Variants in BTBD7 observed in about 807,000 individuals in gnomAD.
The protein encoded by BTBD7 is BTB/POZ domain-containing protein 7.
In BTBD7, 38 loss-of-function variants were observed where a neutral mutation model predicts 99.9. The observed-to-expected ratio is 0.38, with a 90% confidence interval of 0.29 to 0.50. BTBD7 has a LOEUF of 0.50. BTBD7 is among the 20% of genes least tolerant of loss of function. The pLI, the probability that BTBD7 is intolerant of heterozygous loss-of-function variation, is 0.93. For missense variants in BTBD7, 1,170 were observed against 1,394.6 expected (o/e 0.84, Z 2.57); for synonymous variants, 520 against 511.4 (o/e 1.02, Z -0.23).
At chr14:93,315,764 AAT>A (rs2053195255) in intron 1 of BTBD7, among the ~76,000 whole-genome samples, 1 of 152,172 alleles carries the variant, frequency 6.6e-6, no homozygotes, top group African/African-American at 2.4e-5. Context: ...TTTGCTGTAT[AAT>A]ATTTCATTGT....
chr14:93,317,198 C>A (rs1236797451), intron 1 of BTBD7, among the ~76,000 whole-genome samples: 2 of 151,978 alleles, frequency 1.3e-5, no homozygotes, highest in East Asian at 3.9e-4. Context: ...AGAGATGGGG[C>A]TTCACTATGT....
In BTBD7 at chr14:93,253,796, A is replaced by T. The variant is rs2052397306; in HGVS notation, c.1609-6T>A. On this transcript the variant is annotated splice_polypyrimidine_tract_variant and splice_region_variant and intron_variant, in intron 6 of 10. Coordinates refer to ENST00000334746, the MANE Select transcript of BTBD7 (RefSeq NM_001002860.4). ...CTAATCAAGCCTCTTTTCATCTAAA[A>T]AAAAATTTTTTTTTTAGATAGAAAT... 1.9e-6 allele frequency: 3 copies of T among 1,557,780 alleles called. No individual in the cohort carries two copies. The African/African-American group carries it at 4.1e-5, about 21-fold the overall frequency.
chr14:93,240,623 C>T lies in BTBD7; in HGVS notation c.*1650G>A, dbSNP rs1393374634. On this transcript the variant is annotated 3_prime_UTR_variant, in exon 11 of 11. Transcript: ENST00000334746. ...GAATGCTTAGAAAGCCTCTTTTCTTCTAAGTGCTACGGCTGTGTGTTTATG... is the reference window on the plus strand; with the variant it reads ...GAATGCTTAGAAAGCCTCTTTTCTTTTAAGTGCTACGGCTGTGTGTTTATG... 6.6e-6 allele frequency: 1 copy of T among 152,582 alleles called. No individual in the cohort carries two copies. The highest frequency in any genetic ancestry group is 2.4e-5 in the African/African-American group (1 of 41,440). The allele number at this position is 152,582 out of a possible 1,614,324, so 9.5% of individuals were successfully genotyped here.
At position 93,237,967 on chromosome 14, in the gene BTBD7, T is replaced by C. The variant is rs1327372855; in HGVS notation, c.*4306A>G. The stretch of plus-strand genomic sequence containing the variant: ...ATTTTCCACCTCTCTGAAGTACAGA[T>C]GTGGTGCATACACAGCAAGGAGAGT... On this transcript the variant is annotated 3_prime_UTR_variant, in exon 11 of 11. Transcript: ENST00000334746. The C allele has an allele frequency of 6.6e-6, 1 of 152,490 alleles. No homozygotes were observed. The highest frequency in any genetic ancestry group is 1.5e-5 in the Non-Finnish European group (1 of 68,042). The allele number at this position is 152,490 out of a possible 1,614,324, so 9.4% of individuals were successfully genotyped here. A position where few individuals can be genotyped will look rare whatever the true frequency, so the allele number is the denominator to read the frequency against.
intron 3 of BTBD7, among the ~76,000 whole-genome samples, chr14:93,269,099 A>C (rs1260654303): frequency 6.6e-6 from 1 of 152,116 alleles, no homozygotes; most frequent in African/African-American, 2.4e-5. Flanking sequence ...ATTAGAACTT[A>C]TTTAGAACTA....
intron 4 of BTBD7, 55 bp downstream of exon 4, chr14:93,263,730 G>T: frequency 6.7e-7 from 1 of 1,498,488 alleles, no homozygotes; most frequent in South Asian, 1.1e-5. Context: ...GAGCATAGAT[G>T]GGTTTCTTGG....
rs1566831859 is a variant in BTBD7, at chr14:93,242,879, T to A, written c.2793A>T (p.Gln931His). Reference protein sequence around the residue: ...HTSRKKHTLEQKTDTRENPQE... With the variant: ...HTSRKKHTLEHKTDTRENPQE... ...GTGGATTTTCTCTGGTGTCTGTTTT[T>A]TGCTCTAGTGTGTGTTTTTTCCGAG... Residue 931 changes from glutamine to histidine, a missense_variant, in exon 11 of 11, where the codon CAA (glutamine) becomes CAT (histidine). Coordinates refer to ENST00000334746, the MANE Select transcript of BTBD7 (RefSeq NM_001002860.4). The A allele has an allele frequency of 6.2e-7, 1 of 1,614,166 alleles. No homozygotes were observed. Among genetic ancestry groups the A allele is most frequent in the Admixed American group, 1.7e-5 (1 of 60,036 alleles).
rs1566857021 is a variant in BTBD7 at position 93,300,741 on chromosome 14, TG to T, written c.-106-4585del. On this transcript the variant is annotated intron_variant, in intron 1 of 10. Transcript: ENST00000334746. ...GTGTGTGTGTGTGTGTGTGTGTGTG[TG>T]TGTGTGTGTGTGTGTGTGTGTGTGT... 1.8e-3 allele frequency among the ~76,000 whole-genome samples: 168 copies of T among 91,200 alleles called. 7 individuals are homozygous for T. The East Asian group carries it at 0.031, about 17-fold the overall frequency. The allele number at this position is 91,200 out of a possible 152,430, so 59.8% of individuals were successfully genotyped here. A position where few individuals can be genotyped will look rare whatever the true frequency, so the allele number is the denominator to read the frequency against.
chr14:93,307,852 G>C (rs945090537), intron 1 of BTBD7, among the ~76,000 whole-genome samples: 4 of 152,164 alleles, frequency 2.6e-5, no homozygotes, highest in Non-Finnish European at 5.9e-5. Context: ...GAGGCATTAA[G>C]TTGAAAACTG....
rs76708472 is a variant in BTBD7 at position 93,249,754 on chromosome 14, G to A, written c.1943-1100C>T. Among the ~76,000 whole-genome samples the A allele has an allele frequency of 4.6e-3, 705 of 151,732 alleles. 7 individuals carry two copies. The highest frequency in any genetic ancestry group is 0.016 in the African/African-American group (670 of 41,112). On this transcript the variant is annotated intron_variant, in intron 8 of 10. Transcript: ENST00000334746. The stretch of plus-strand genomic sequence containing the variant: ...TGCCCCTTTCTAGAAAAAGTATGCC[G>A]GCCGACAAGCTGGTGTAAAAGACAG...
At chr14:93,309,647 T>C (rs866144139) in intron 1 of BTBD7, among the ~76,000 whole-genome samples, 21 of 152,224 alleles carry the variant, frequency 1.4e-4, no homozygotes, top group Middle Eastern at 6.8e-3. Context: ...CAGTTTCTAC[T>C]TTATCACCCA....
intron 3 of BTBD7, among the ~76,000 whole-genome samples, chr14:93,272,218 A>C (rs1466301545): frequency 6.6e-6 from 1 of 151,898 alleles, no homozygotes; most frequent in Non-Finnish European, 1.5e-5. Context: ...GGAGGTAGAG[A>C]TTGCAGTGAG....
At chr14:93,326,802 TAAA>T (rs71462002) in intron 1 of BTBD7, among the ~76,000 whole-genome samples, 2 of 146,160 alleles carry the variant, frequency 1.4e-5, no homozygotes, top group African/African-American at 5.0e-5. Flanking sequence ...AAACTCTGTC[TAAA>T]AAAAAAAAAA....
At chr14:93,277,264 T>A (rs1158314403) in intron 3 of BTBD7, among the ~76,000 whole-genome samples, 1 of 152,192 alleles carries the variant, frequency 6.6e-6, no homozygotes, top group Non-Finnish European at 1.5e-5. Context: ...GTTTACTTCA[T>A]AAATTAGTGT....
intron 1 of BTBD7, among the ~76,000 whole-genome samples, chr14:93,319,829 AATAGGACAAC>A (rs1228560642): frequency 5.9e-5 from 9 of 152,212 alleles, no homozygotes; most frequent in Non-Finnish European, 1.3e-4. Flanking sequence ...AATAAAAATG[AATAGGACAAC>A]ACATATGAGA....
rs1397724485 is a variant in BTBD7 at position 93,332,872 on chromosome 14, T to TCCG, written c.-162_-160dup. 2.5e-5 allele frequency: 37 copies of TCCG among 1,466,434 alleles called. No homozygotes were observed. In the East Asian group the frequency reaches 3.6e-4, roughly 14 times the overall value. 90.8% of individuals were successfully genotyped at this position (1,466,434 alleles called of 1,614,324 possible). A position where few individuals can be genotyped will look rare whatever the true frequency, so the allele number is the denominator to read the frequency against. On this transcript the variant is annotated 5_prime_UTR_variant, in exon 1 of 11. Transcript: ENST00000334746. ...TGCCGCTGGGACCGCTGCCGTCGCC[T>TCCG]CCGCCGCCGCCGCCACCAGCACCGC...
intron 7 of BTBD7, 85 bp downstream of exon 7, chr14:93,253,562 A>T: frequency 7.9e-7 from 1 of 1,259,352 alleles, no homozygotes; most frequent in Non-Finnish European, 1.1e-6. Context: ...GCTATTTCCA[A>T]ATATTTAAGT....
intron 10 of BTBD7, among the ~76,000 whole-genome samples, chr14:93,244,740 G>A (rs557255486): frequency 1.3e-5 from 2 of 152,136 alleles, no homozygotes; most frequent in Non-Finnish European, 2.9e-5. Context: ...TTGGACTCAA[G>A]CTTCCAATAA....
chr14:93,290,676 C>G (rs1404087069), intron 3 of BTBD7, among the ~76,000 whole-genome samples: 2 of 151,556 alleles, frequency 1.3e-5, no homozygotes, highest in Non-Finnish European at 2.9e-5. Context: ...TGCCACCACA[C>G]CCAGCTAAAT....
Sources: allele counts gnomAD v4.1 joint callset (sites outside exome capture counted in the v4.1 genomes callset), GRCh38; gene constraint gnomAD v4.1.1; transcripts MANE v1.5; gene names NCBI Gene and HGNC (gene_info 2026-07-23, HGNC 2026-07-21).